The following NCOR2 variants were observed in gnomAD, a reference collection of about 807,000 sequenced individuals.
NCOR2 encodes the protein nuclear receptor corepressor 2.
Under a neutral mutation model 262.9 loss-of-function variants are expected in NCOR2, and 81 were observed. The observed-to-expected ratio is 0.31, with a 90% CI of 0.26 to 0.37. NCOR2 has a LOEUF of 0.37. NCOR2 is among the 10% of genes least tolerant of loss of function. The pLI is 1.00. For synonymous variants in NCOR2, 1,659 were observed against 1,559.3 expected (o/e 1.06, Z -1.51); for missense variants, 3,385 against 3,621.4 (o/e 0.93, Z 1.68).
At chr12:124,368,252 C>T (rs572175036) in intron 20 of NCOR2, among the ~76,000 whole-genome samples, 1 of 152,338 alleles carries the variant, frequency 6.6e-6, no homozygotes, top group African/African-American at 2.4e-5. Flanking sequence ...CATTTTCCTT[C>T]CCACTCATGA....
intron 6 of NCOR2, among the ~76,000 whole-genome samples, chr12:124,451,960 A>G (rs1242767815): frequency 6.6e-6 from 1 of 150,960 alleles, no homozygotes; most frequent in East Asian, 2.0e-4. Context: ...TAGAGAATTC[A>G]CCACTGGGCT....
At chr12:124,479,466 CACAA>C (rs1383737164) in intron 3 of NCOR2, among the ~76,000 whole-genome samples, 97 of 100,756 alleles carry the variant, frequency 9.6e-4, no homozygotes, top group African/African-American at 3.3e-3. Flanking sequence ...CACACACACA[CACAA>C]ACACGCAGGG....
intron 4 of NCOR2, among the ~76,000 whole-genome samples, chr12:124,466,742 C>A (rs2046437115): frequency 6.6e-6 from 1 of 152,066 alleles, no homozygotes; most frequent in Non-Finnish European, 1.5e-5. Flanking sequence ...GCAGACTCCA[C>A]AGCTGCACTG....
intron 16 of NCOR2, among the ~76,000 whole-genome samples, chr12:124,396,914 G>C (rs903074386): frequency 6.6e-6 from 1 of 152,168 alleles, no homozygotes; most frequent in African/African-American, 2.4e-5. Flanking sequence ...CATAAGTCAC[G>C]ACCTGGAGCT....
At chr12:124,395,291 G>T (rs2041579346) in intron 16 of NCOR2, among the ~76,000 whole-genome samples, 2 of 152,040 alleles carry the variant, frequency 1.3e-5, no homozygotes, top group Admixed American at 1.3e-4. Context: ...ACCCCCTATG[G>T]AGGAGTTGCT....
intron 20 of NCOR2, among the ~76,000 whole-genome samples, chr12:124,370,874 G>A (rs929273397): frequency 2.0e-5 from 3 of 152,164 alleles, no homozygotes; most frequent in Non-Finnish European, 4.4e-5. Context: ...GAATTTGCAA[G>A]GGGAACCTCT....
chr12:124,332,541 C>T, intron 42 of NCOR2, 74 bp from the exon 45 acceptor site: 2 of 1,592,014 alleles, frequency 1.3e-6, no homozygotes, highest in Non-Finnish European at 1.7e-6. Context: ...GGGAACTCAC[C>T]ACCTGAGATG....
At chr12:124,333,737 G>T (rs1189720180) in intron 41 of NCOR2, among the ~76,000 whole-genome samples, 1 of 151,788 alleles carries the variant, frequency 6.6e-6, no homozygotes, top group Non-Finnish European at 1.5e-5. Flanking sequence ...TTGACCCCCA[G>T]AGGCCCCACG....
intron 27 of NCOR2, among the ~76,000 whole-genome samples, chr12:124,351,808 G>A (rs1417845464): frequency 2.6e-5 from 4 of 152,136 alleles, no homozygotes; most frequent in Non-Finnish European, 5.9e-5. Context: ...CACAGACGAC[G>A]GGTCCCCAAA....
At chr12:124,388,854 C>G (rs2041034704) in intron 16 of NCOR2, 1 of 974,740 alleles carries the variant, frequency 1.0e-6, no homozygotes, top group African/African-American at 1.8e-5. Context: ...ACATCCTTCT[C>G]CGTCCCACGG....
At chr12:124,431,427 C>G (rs1483903432) in intron 8 of NCOR2, among the ~76,000 whole-genome samples, 2 of 149,774 alleles carry the variant, frequency 1.3e-5, no homozygotes, top group African/African-American at 2.5e-5. Flanking sequence ...CAGACAGACA[C>G]ACAGTCACAC....
At chr12:124,525,948 C>T (rs879540199) in intron 1 of NCOR2, among the ~76,000 whole-genome samples, 17 of 152,118 alleles carry the variant, frequency 1.1e-4, no homozygotes, top group South Asian at 2.1e-4. Context: ...ATGGGGTGCA[C>T]GTTAGAAATT....
rs1214658726 is a variant in NCOR2 at position 124,541,673 on chromosome 12, A to T, written c.-164-6062T>A. Among the ~76,000 whole-genome samples, 3 of 7,604 alleles carry T rather than the reference A, an allele frequency of 3.9e-4. No homozygotes were observed. In the East Asian group the frequency reaches 0.012, roughly 29 times the overall value. 5.0% of individuals were successfully genotyped at this position (7,604 alleles called of 152,430 possible). ...GGGATGGGGGTGAGGATGGAAGGGG[A>T]TGGAGAGTAGAGATGGAGGGGGTGG... On this transcript the variant is annotated intron_variant, in intron 1 of 32. Transcript: ENST00000458234.
At chr12:124,401,344 T>C (rs1449748565) in intron 14 of NCOR2, among the ~76,000 whole-genome samples, 2 of 152,258 alleles carry the variant, frequency 1.3e-5, no homozygotes, top group Non-Finnish European at 2.9e-5. Context: ...CTGGGAGCTT[T>C]CCTGCAAGGC....
intron 1 of NCOR2, among the ~76,000 whole-genome samples, chr12:124,488,310 G>A (rs2047891733): frequency 6.6e-6 from 1 of 152,212 alleles, no homozygotes; most frequent in African/African-American, 2.4e-5. Context: ...AGCTGGAAAA[G>A]CTGGGGAAAG....
rs553793945 is a variant in NCOR2 at position 124,528,827 on chromosome 12, C to T, written c.-118+6738G>A. Among the ~76,000 whole-genome samples the T allele has an allele frequency of 7.2e-5, 11 of 152,262 alleles. No individual in the cohort carries two copies. The South Asian group carries it at 1.2e-3, about 17-fold the overall frequency. On this transcript the variant is annotated intron_variant, in intron 1 of 46. Coordinates refer to the NCOR2 transcript ENST00000404621. ...CAGAGTCATGAGTTTCATTTCTTAT[C>T]GGAATGGAAGTCACCTGACCTGTCA...
At chr12:124,404,334 G>A (rs894976237) in intron 13 of NCOR2, among the ~76,000 whole-genome samples, 9 of 152,172 alleles carry the variant, frequency 5.9e-5, no homozygotes, top group African/African-American at 1.9e-4. Flanking sequence ...GCAGGGCCGG[G>A]GCTTTTGAAT....
intron 20 of NCOR2, among the ~76,000 whole-genome samples, chr12:124,369,203 G>C (rs752721332): frequency 9.2e-5 from 14 of 152,360 alleles, no homozygotes; most frequent in Non-Finnish European, 1.8e-4. Context: ...TGAAGAGTAA[G>C]AGAGGGGAAG....
At chr12:124,474,993 C>T in intron 3 of NCOR2, among the ~76,000 whole-genome samples, 1 of 152,124 alleles carries the variant, frequency 6.6e-6, no homozygotes. Flanking sequence ...ACAGAGGCTG[C>T]ATCATCTTCT....
Sources: gnomAD v4.1 joint callset for allele counts (sites outside exome capture counted in the v4.1 genomes callset) on GRCh38, gnomAD v4.1.1 for gene constraint, MANE v1.5 for transcripts, NCBI Gene and HGNC (gene_info 2026-07-23, HGNC 2026-07-21) for gene names.